Variants in UTP25 observed in about 807,000 individuals in gnomAD.
UTP25 encodes the protein UTP25 small subunit processome component.
Under a neutral mutation model 78.9 loss-of-function variants are expected in UTP25, and 50 were observed. That is an observed-to-expected ratio of 0.63 (90% CI 0.50 to 0.80). The LOEUF is 0.80. UTP25 is among the 30% of genes least tolerant of loss of function. The pLI is 0.00. For missense variants in UTP25, 846 were observed against 911.3 expected (o/e 0.93, Z 0.92); for synonymous variants, 329 against 336.5 (o/e 0.98, Z 0.24).
intron 4 of UTP25, among the ~76,000 whole-genome samples, 170 bp downstream of exon 4, chr1:209,833,528 T>G (rs657844): frequency 0.68 from 103,705 of 152,016 alleles, 36,072 homozygotes; most frequent in Non-Finnish European, 0.75. Context: ...TCTCAGTGTT[T>G]AGGGGTTGGA....
Position 209,828,014 on chromosome 1 carries a change from C to T in UTP25, c.-50C>T. The stretch of plus-strand genomic sequence containing the variant: ...GTGCTTGTGTTGACTGGACAACTTC[C>T]TGGTGGAAAACCGCGACTCTTGCAA... On this transcript the variant is annotated 5_prime_UTR_variant, in exon 1 of 12. Transcript: ENST00000491415. 1 of 1,470,108 alleles carries T rather than the reference C, an allele frequency of 6.8e-7. No individual in the cohort carries two copies. The highest frequency in any genetic ancestry group is 1.8e-4 in the Middle Eastern group (1 of 5,712). 91.1% of individuals were successfully genotyped at this position (1,470,108 alleles called of 1,614,324 possible).
In UTP25 at chr1:209,830,153, G is replaced by A; in HGVS notation, c.147+6G>A. On this transcript the variant is annotated splice_donor_region_variant and intron_variant, in intron 2 of 11. Coordinates refer to ENST00000491415, the MANE Select transcript of UTP25 (RefSeq NM_014388.7). ...AGCCACAGATTTGTCAACTGGTAAT[G>A]CTTTCTACCTTCTTTTTAATAGTTG... 6.2e-7 allele frequency: 1 copy of A among 1,608,574 alleles called. No homozygotes were observed. The highest frequency in any genetic ancestry group is 8.5e-7 in the Non-Finnish European group (1 of 1,176,824).
chr1:209,851,033 A>G (rs144577534), intron 11 of UTP25, among the ~76,000 whole-genome samples, 171 bp from the exon 12 acceptor site: 1 of 152,372 alleles, frequency 6.6e-6, no homozygotes, highest in Non-Finnish European at 1.5e-5. Flanking sequence ...AAAGAATTCA[A>G]ATATGTTGCC....
rs1467048718 is a variant in UTP25, at chr1:209,857,236, A to G, written c.*5789A>G. 3 of 152,000 alleles carry G rather than the reference A, an allele frequency of 2.0e-5. No individual in the cohort carries two copies. Among genetic ancestry groups the G allele is most frequent in the Admixed American group, 6.6e-5 (1 of 15,254 alleles). 9.4% of individuals were successfully genotyped at this position (152,000 alleles called of 1,614,324 possible). ...CCTGTTTCTGAAGCTGTACGGTACA[A>G]ATTTTTTTTTTCCCCACTTAAGGCT... On this transcript the variant is annotated 3_prime_UTR_variant, in exon 12 of 12. Transcript: ENST00000491415.
intron 6 of UTP25, 192 bp from the exon 7 acceptor site, chr1:209,838,717 C>G: frequency 1.5e-6 from 1 of 645,698 alleles, no homozygotes; most frequent in South Asian, 1.8e-5. Flanking sequence ...GGTCATGGTG[C>G]TGGGGTTATG....
intron 11 of UTP25, among the ~76,000 whole-genome samples, chr1:209,845,258 T>C (rs2078191301): frequency 6.6e-6 from 1 of 152,092 alleles, no homozygotes; most frequent in Non-Finnish European, 1.5e-5. Context: ...GGCCAAAGAG[T>C]GTTAATGAAT....
At chr1:209,830,574 C>G (rs2078097832) in intron 2 of UTP25, among the ~76,000 whole-genome samples, 2 of 151,526 alleles carry the variant, frequency 1.3e-5, no homozygotes, top group South Asian at 4.2e-4. Flanking sequence ...AACCTGTGGC[C>G]TAATGCCTGG....
chr1:209,840,957 G>C lies in UTP25; in HGVS notation c.1387G>C (p.Gly463Arg), dbSNP rs963552425. Residue 463 changes from glycine to arginine, a missense_variant, in exon 8 of 12, where the codon GGA becomes CGA. Physicochemically the swap from Gly to Arg is moderately radical, Grantham distance 125. Transcript: ENST00000491415. ...LGLRTIIGGEGEKKRDFDFLS... is the reference protein window; with the variant it reads ...LGLRTIIGGEREKKRDFDFLS... ...CTTGAGGACCATCATTGGTGGAGAA[G>C]GAGAGAAGAAGAGAGATTTTGACTT... 2 of 1,614,102 alleles carry C rather than the reference G, an allele frequency of 1.2e-6. No individual in the cohort carries two copies. The highest frequency in any genetic ancestry group is 8.5e-7 in the Non-Finnish European group (1 of 1,179,978).
intron 11 of UTP25, among the ~76,000 whole-genome samples, chr1:209,849,759 C>T (rs1265986839): frequency 6.6e-6 from 1 of 152,166 alleles, no homozygotes; most frequent in Non-Finnish European, 1.5e-5. Flanking sequence ...CTATTCTTGC[C>T]CTTTAAGAAT....
intron 1 of UTP25, 28 bp downstream of exon 1, chr1:209,828,198 A>G: frequency 6.4e-7 from 1 of 1,562,796 alleles, no homozygotes; most frequent in Non-Finnish European, 8.8e-7. Context: ...AGGGCTCCCC[A>G]GTCGCCAGAG....
At chr1:209,847,117 A>G (rs1346171126) in intron 11 of UTP25, among the ~76,000 whole-genome samples, 1 of 151,246 alleles carries the variant, frequency 6.6e-6, no homozygotes, top group East Asian at 1.9e-4. Context: ...TAGATGTTTT[A>G]TGTGCTCATT....
At chr1:209,835,258 A>T in intron 5 of UTP25, 95 bp downstream of exon 5, 1 of 1,022,314 alleles carries the variant, frequency 9.8e-7, no homozygotes. Context: ...TGTATGATAT[A>T]CACCTGCAGT....
At position 209,854,531 on chromosome 1, in the gene UTP25, C is replaced by T. The variant is rs1469283874; in HGVS notation, c.*3084C>T. The T allele has an allele frequency of 6.6e-6, 1 of 152,170 alleles. No individual in the cohort carries two copies. Among genetic ancestry groups the T allele is most frequent in the Admixed American group, 6.5e-5 (1 of 15,274 alleles). 9.4% of individuals were successfully genotyped at this position (152,170 alleles called of 1,614,324 possible). A position where few individuals can be genotyped will look rare whatever the true frequency, so the allele number is the denominator to read the frequency against. On this transcript the variant is annotated 3_prime_UTR_variant, in exon 12 of 12. Coordinates refer to ENST00000491415, the MANE Select transcript of UTP25 (RefSeq NM_014388.7). Reference sequence around the variant, plus strand: ...TGCTGACTCCTCATACCCCAGAGGACCAAGGGGGGCTCATGAAGGCTCTCA... The same window carrying T: ...TGCTGACTCCTCATACCCCAGAGGATCAAGGGGGGCTCATGAAGGCTCTCA...
At position 209,851,261 on chromosome 1, in the gene UTP25, CTT is replaced by C; in HGVS notation, c.2088_2089del (p.Phe696LeufsTer3). On this transcript the variant is annotated frameshift_variant, in exon 12 of 12. Coordinates refer to ENST00000491415, the MANE Select transcript of UTP25 (RefSeq NM_014388.7). LOFTEE classifies it high-confidence loss of function. ...IFYELPTYPHFYSEICNMLRA... is the reference protein window; with the variant it reads ...IFYELPTYPHXYSEICNMLRA... Reference sequence around the variant, plus strand: ...TCTATGAACTGCCGACATATCCACACTTTTACAGTGAAATCTGTAATATGCTG... The same window carrying C: ...TCTATGAACTGCCGACATATCCACACTTACAGTGAAATCTGTAATATGCTG... The C allele has an allele frequency of 6.2e-7, 1 of 1,614,176 alleles. No individual in the cohort carries two copies. The highest frequency in any genetic ancestry group is 8.5e-7 in the Non-Finnish European group (1 of 1,180,022).
At position 209,842,843 on chromosome 1, in the gene UTP25, G is replaced by A. The variant is rs1025648608; in HGVS notation, c.1781+148G>A. On this transcript the variant is annotated intron_variant, in intron 10 of 11. Transcript: ENST00000491415. ...GAACTTAATTATGTCATTTGTCAGA[G>A]GAGGAAACTGAAGCACAGAGAGAAA... The A allele has an allele frequency of 1.3e-4, 83 of 638,114 alleles. 1 individual carries two copies. The highest frequency in any genetic ancestry group is 9.8e-5 in the Non-Finnish European group (36 of 366,118). The allele number at this position is 638,114 out of a possible 1,614,324, so 39.5% of individuals were successfully genotyped here. A position where few individuals can be genotyped will look rare whatever the true frequency, so the allele number is the denominator to read the frequency against.
At chr1:209,840,081 G>C (rs1393434443) in intron 7 of UTP25, among the ~76,000 whole-genome samples, 3 of 152,190 alleles carry the variant, frequency 2.0e-5, no homozygotes, top group Non-Finnish European at 2.9e-5. Flanking sequence ...ATTCACACAG[G>C]CTTCGGTATG....
intron 11 of UTP25, among the ~76,000 whole-genome samples, chr1:209,846,111 T>C (rs922992333): frequency 2.0e-5 from 3 of 152,148 alleles, no homozygotes; most frequent in African/African-American, 7.2e-5. Context: ...CACTTCAGCC[T>C]CCCAAGAAGT....
At chr1:209,840,505 C>T (rs778926418) in intron 7 of UTP25, among the ~76,000 whole-genome samples, 6 of 152,194 alleles carry the variant, frequency 3.9e-5, no homozygotes, top group Non-Finnish European at 8.8e-5. Flanking sequence ...TGACTGAGGA[C>T]TGTGGGGACC....
chr1:209,836,038 C>T (rs1278826130), intron 5 of UTP25, among the ~76,000 whole-genome samples: 2 of 152,122 alleles, frequency 1.3e-5, no homozygotes, highest in Admixed American at 6.5e-5. Flanking sequence ...CCTCCCTCTG[C>T]ACCCTGCCCC....
Sources: allele counts gnomAD v4.1 joint callset (sites outside exome capture counted in the v4.1 genomes callset), GRCh38; gene constraint gnomAD v4.1.1; transcripts MANE v1.5; gene names NCBI Gene and HGNC (gene_info 2026-07-23, HGNC 2026-07-21).